Variants in EEFSEC observed in about 807,000 individuals in gnomAD.
EEFSEC encodes the protein selenocysteine-specific elongation factor.
EEFSEC carries 43 observed loss-of-function variants against 42.1 expected under a neutral mutation model. The ratio of observed to expected loss-of-function variants is 1.02; its 90% CI spans 0.80 to 1.32. The LOEUF is 1.32. EEFSEC is among the 40% of genes most tolerant of loss of function. The pLI, the probability that EEFSEC is intolerant of heterozygous loss-of-function variation, is 0.00. For missense variants in EEFSEC, 745 were observed against 803.6 expected (o/e 0.93, Z 0.88); for synonymous variants, 354 against 339.1 (o/e 1.04, Z -0.48).
chr3:128,361,178 C>T (rs1465772767), intron 6 of EEFSEC, among the ~76,000 whole-genome samples: 1 of 152,088 alleles, frequency 6.6e-6, no homozygotes, highest in Non-Finnish European at 1.5e-5. Flanking sequence ...CTGGGAAAGG[C>T]AGAATGAAGA....
At chr3:128,167,680 A>G (rs1203564839) in intron 1 of EEFSEC, among the ~76,000 whole-genome samples, 1 of 152,236 alleles carries the variant, frequency 6.6e-6, no homozygotes, top group Non-Finnish European at 1.5e-5. Flanking sequence ...AGCTCACCGC[A>G]CACAGTGAGG....
chr3:128,196,618 T>C (rs1474937880), intron 1 of EEFSEC, among the ~76,000 whole-genome samples: 2 of 152,232 alleles, frequency 1.3e-5, no homozygotes, highest in East Asian at 3.8e-4. Flanking sequence ...ATTAATCACT[T>C]TCTGTAAACA....
intron 6 of EEFSEC, among the ~76,000 whole-genome samples, chr3:128,362,508 T>C (rs1056247640): frequency 2.6e-5 from 4 of 152,248 alleles, no homozygotes; most frequent in African/African-American, 9.6e-5. Context: ...TGGCAAGCTT[T>C]TTGAATGGCC....
chr3:128,316,017 G>A (rs9872099), intron 4 of EEFSEC, among the ~76,000 whole-genome samples: 14,531 of 152,218 alleles, frequency 0.095, 906 homozygotes, highest in Non-Finnish European at 0.13. Flanking sequence ...CAAGTAGTAC[G>A]TGAAATATAT....
At chr3:128,378,907 C>T (rs1439906965) in intron 6 of EEFSEC, among the ~76,000 whole-genome samples, 1 of 152,216 alleles carries the variant, frequency 6.6e-6, no homozygotes, top group African/African-American at 2.4e-5. Context: ...CTGGGCATTC[C>T]ACTGGGTTCT....
At chr3:128,415,886 G>A in the EEFSEC span, among the ~76,000 whole-genome samples, 1 of 152,226 alleles carries the variant, frequency 6.6e-6, no homozygotes, top group Non-Finnish European at 1.5e-5. Context: ...CAGGGGAGGG[G>A]TTGGTCCTCT....
At chr3:128,331,319 C>A (rs2067130037) in intron 4 of EEFSEC, among the ~76,000 whole-genome samples, 1 of 44,602 alleles carries the variant, frequency 2.2e-5, no homozygotes, top group African/African-American at 1.0e-4. Flanking sequence ...CCCCCTTCCT[C>A]AATGCATCTC....
At chr3:128,340,326 T>C (rs2067236414) in intron 4 of EEFSEC, among the ~76,000 whole-genome samples, 2 of 151,768 alleles carry the variant, frequency 1.3e-5, no homozygotes. Context: ...CTTTATAGCA[T>C]ATGTTGTCTA....
At chr3:128,214,300 G>A (rs1165191922) in intron 1 of EEFSEC, among the ~76,000 whole-genome samples, 1 of 152,208 alleles carries the variant, frequency 6.6e-6, no homozygotes, top group Non-Finnish European at 1.5e-5. Context: ...GTGAGGCGAG[G>A]GCTGTGCTGT....
At chr3:128,404,582 AG>A (rs1191280765) in intron 6 of EEFSEC, among the ~76,000 whole-genome samples, 1 of 152,154 alleles carries the variant, frequency 6.6e-6, no homozygotes, top group Non-Finnish European at 1.5e-5. Flanking sequence ...TGTTTGCAGA[AG>A]GAAGGCCAGG....
chr3:128,201,570 A>G (rs1251828809), intron 1 of EEFSEC, among the ~76,000 whole-genome samples: 1 of 152,172 alleles, frequency 6.6e-6, no homozygotes, highest in Non-Finnish European at 1.5e-5. Flanking sequence ...TTAAAAAATT[A>G]TTTTGTTGTT....
chr3:128,351,200 C>T (rs1245335440), intron 5 of EEFSEC, among the ~76,000 whole-genome samples: 1 of 152,148 alleles, frequency 6.6e-6, no homozygotes, highest in Non-Finnish European at 1.5e-5. Context: ...TCTGGCTTCT[C>T]TTGGGCAGAT....
intron 1 of EEFSEC, among the ~76,000 whole-genome samples, chr3:128,205,267 T>A (rs941460078): frequency 2.0e-5 from 3 of 152,170 alleles, no homozygotes; most frequent in Admixed American, 1.3e-4. Flanking sequence ...TGTGTGGAGC[T>A]CAGGGACTCA....
intron 5 of EEFSEC, among the ~76,000 whole-genome samples, chr3:128,349,942 G>T (rs1344659740): frequency 6.6e-6 from 1 of 152,194 alleles, no homozygotes; most frequent in African/African-American, 2.4e-5. Context: ...CAGATGCCTG[G>T]GTTCCCAGCT....
At chr3:128,318,932 A>T (rs928724640) in intron 4 of EEFSEC, among the ~76,000 whole-genome samples, 3 of 152,208 alleles carry the variant, frequency 2.0e-5, no homozygotes, top group Non-Finnish European at 4.4e-5. Context: ...CCATTGTACC[A>T]TGAAGACTCA....
chr3:128,353,058 G>A (rs540163556), intron 5 of EEFSEC, among the ~76,000 whole-genome samples: 3 of 152,274 alleles, frequency 2.0e-5, no homozygotes, highest in East Asian at 3.9e-4. Flanking sequence ...GAAACCATGA[G>A]TTTAAGGGAA....
chr3:128,388,623 C>A (rs975729281), intron 6 of EEFSEC, among the ~76,000 whole-genome samples: 3 of 152,272 alleles, frequency 2.0e-5, no homozygotes, highest in Non-Finnish European at 4.4e-5. Flanking sequence ...GAGGCCACTG[C>A]TGTGTAAGGC....
intron 1 of EEFSEC, among the ~76,000 whole-genome samples, chr3:128,238,767 T>G (rs1267585546): frequency 6.6e-6 from 1 of 152,184 alleles, no homozygotes; most frequent in Non-Finnish European, 1.5e-5. Flanking sequence ...GTAATGGCTG[T>G]TATTTGAATT....
At chr3:128,244,545 G>A (rs566865120) in intron 1 of EEFSEC, among the ~76,000 whole-genome samples, 3 of 150,198 alleles carry the variant, frequency 2.0e-5, no homozygotes, top group African/African-American at 7.3e-5. Context: ...GTGTTTTATT[G>A]TATTATTTAT....
Sources: allele counts gnomAD v4.1 joint callset (sites outside exome capture counted in the v4.1 genomes callset), GRCh38; gene constraint gnomAD v4.1.1; transcripts MANE v1.5; gene names NCBI Gene and HGNC (gene_info 2026-07-23, HGNC 2026-07-21).